The following STXBP5 variants were observed in gnomAD, a reference collection of about 807,000 sequenced individuals.
STXBP5 encodes the protein syntaxin binding protein 5.
Under a neutral mutation model 152.4 loss-of-function variants are expected in STXBP5, and 50 were observed. The observed-to-expected ratio is 0.33, with a 90% CI of 0.26 to 0.42. The LOEUF (loss-of-function observed/expected upper bound fraction) is 0.42, where lower values mean the gene tolerates loss of function less well. Among genes scored for constraint, STXBP5 ranks in the 10% least tolerant of loss-of-function variants. The pLI, the probability that STXBP5 is intolerant of heterozygous loss-of-function variation, is 1.00. For synonymous variants in STXBP5, 492 were observed against 494.7 expected, an observed-to-expected ratio of 0.99 and a Z score of 0.07; for missense variants, 1,167 against 1,388.6, an observed-to-expected ratio of 0.84 and a Z score of 2.54.
At chr6:147,232,601 T>G (rs1272824360) in intron 2 of STXBP5, among the ~76,000 whole-genome samples, 2 of 151,762 alleles carry the variant, frequency 1.3e-5, no homozygotes, top group East Asian at 1.9e-4. Flanking sequence ...TAAGTAACTT[T>G]GAGAAAAAAT....
intron 9 of STXBP5, among the ~76,000 whole-genome samples, chr6:147,295,906 G>A (rs1397388160): frequency 6.6e-6 from 1 of 152,134 alleles, no homozygotes; most frequent in Non-Finnish European, 1.5e-5. Context: ...TCTGCTCAGG[G>A]GACCAGTAGC....
intron 2 of STXBP5, among the ~76,000 whole-genome samples, chr6:147,225,553 C>A (rs184143513): frequency 7.2e-5 from 11 of 152,202 alleles, no homozygotes; most frequent in Admixed American, 7.2e-4. Flanking sequence ...TATAATCTTA[C>A]AAAATATTAA....
chr6:147,382,177 CAG>C (rs556716730), intron 26 of STXBP5, among the ~76,000 whole-genome samples: 22 of 152,024 alleles, frequency 1.4e-4, no homozygotes, highest in Non-Finnish European at 2.9e-4. Flanking sequence ...GGAAAGAAAA[CAG>C]TGAATCGCAA....
chr6:147,260,446 A>G (rs959489251), intron 4 of STXBP5, among the ~76,000 whole-genome samples, 169 bp from the exon 5 acceptor site: 1 of 152,182 alleles, frequency 6.6e-6, no homozygotes, highest in Non-Finnish European at 1.5e-5. Flanking sequence ...TGTTTGATGT[A>G]TAAGCTGAAT....
intron 4 of STXBP5, among the ~76,000 whole-genome samples, chr6:147,246,556 A>G (rs533748283): frequency 6.6e-6 from 1 of 152,300 alleles, no homozygotes; most frequent in African/African-American, 2.4e-5. Flanking sequence ...TAAACACCAG[A>G]AAAGCTGAAT....
intron 4 of STXBP5, among the ~76,000 whole-genome samples, chr6:147,255,761 G>T (rs866984145): frequency 2.0e-5 from 3 of 152,118 alleles, no homozygotes; most frequent in Non-Finnish European, 4.4e-5. Context: ...TGATCCTCCA[G>T]CCTTGGCCTC....
intron 16 of STXBP5, among the ~76,000 whole-genome samples, chr6:147,319,037 T>C (rs1290451376): frequency 6.6e-6 from 1 of 152,190 alleles, no homozygotes; most frequent in East Asian, 1.9e-4. Context: ...TCTGTCAAGA[T>C]GTTCTAGACT....
intron 7 of STXBP5, among the ~76,000 whole-genome samples, chr6:147,267,810 C>T (rs1455505740): frequency 2.0e-5 from 3 of 152,060 alleles, no homozygotes; most frequent in Non-Finnish European, 2.9e-5. Context: ...ACTCATTTAG[C>T]TGGTGGAACC....
At chr6:147,313,771 A>C (rs1782498206) in intron 11 of STXBP5, 113 bp from the exon 12 acceptor site, 3 of 680,134 alleles carry the variant, frequency 4.4e-6, no homozygotes, top group African/African-American at 3.7e-5. Flanking sequence ...CAAAAATTAA[A>C]TCAATTTAAT....
rs574877990 is a variant in STXBP5, at chr6:147,381,967, CACATCCTT to C, written c.3194-808_3194-801del. Among the ~76,000 whole-genome samples, 305 of 152,150 alleles carry C rather than the reference CACATCCTT, an allele frequency of 2.0e-3. 1 individual carries two copies. The highest frequency in any genetic ancestry group is 7.2e-3 in the African/African-American group (299 of 41,524). ...GTATTCATTAGTAGTGGTGGTGATT[CACATCCTT>C]ACGAATAAAGTAAAAATCACCAATG... On this transcript the variant is annotated intron_variant, in intron 26 of 27. Coordinates refer to ENST00000321680, the MANE Select transcript of STXBP5 (RefSeq NM_001127715.4).
intron 2 of STXBP5, among the ~76,000 whole-genome samples, chr6:147,213,432 A>ATGTG (rs774370865): frequency 3.5e-4 from 42 of 121,072 alleles, no homozygotes; most frequent in East Asian, 2.2e-3. Flanking sequence ...ATAATTTTAT[A>ATGTG]TATGTGTGTG....
intron 8 of STXBP5, among the ~76,000 whole-genome samples, chr6:147,288,013 G>A (rs1390126818): frequency 6.6e-6 from 1 of 151,488 alleles, no homozygotes; most frequent in Non-Finnish European, 1.5e-5. Context: ...GAGTGACTGG[G>A]GCCTTCTCCT....
intron 25 of STXBP5, among the ~76,000 whole-genome samples, chr6:147,373,030 C>T (rs1374337654): frequency 1.3e-5 from 2 of 152,078 alleles, no homozygotes; most frequent in African/African-American, 2.4e-5. Flanking sequence ...TCCAAAACTA[C>T]ATATCATCAT....
chr6:147,353,373 G>A lies in STXBP5; in HGVS notation c.2305G>A (p.Asp769Asn). 6.4e-7 allele frequency: 1 copy of A among 1,561,890 alleles called. No individual in the cohort carries two copies. Among genetic ancestry groups the A allele is most frequent in the South Asian group, 1.2e-5 (1 of 81,704 alleles). Residue 769 changes from aspartate (D) to asparagine (N), a missense_variant and splice_region_variant, in exon 22 of 28, where the codon GAT becomes AAT. Transcript: ENST00000321680. ...ACCTACTGACCTAAAGCCTGATTTA[G>A]GTAAGTAAAATAAATATTCAAAATA... is the stretch of plus-strand genomic sequence containing the variant. ...SLPTDLKPDL[D>N]VKDNSFSRSR...
chr6:147,226,879 G>A (rs1316369968), intron 2 of STXBP5, among the ~76,000 whole-genome samples: 1 of 152,122 alleles, frequency 6.6e-6, no homozygotes, highest in African/African-American at 2.4e-5. Flanking sequence ...CTATAGCTTT[G>A]TATCTTTACC....
At chr6:147,293,459 A>T (rs1781376977) in intron 9 of STXBP5, 1 of 152,022 alleles carries the variant, frequency 6.6e-6, no homozygotes, top group South Asian at 2.1e-4. Context: ...TGTGCTACCC[A>T]CTCCAGCTAG....
intron 22 of STXBP5, among the ~76,000 whole-genome samples, chr6:147,353,807 T>G (rs984845550): frequency 1.3e-5 from 2 of 152,300 alleles, no homozygotes; most frequent in African/African-American, 4.8e-5. Flanking sequence ...GCAAGAATCA[T>G]CGTTACTAAC....
chr6:147,250,143 A>G (rs1779011075), intron 4 of STXBP5, among the ~76,000 whole-genome samples: 1 of 152,230 alleles, frequency 6.6e-6, no homozygotes, highest in African/African-American at 2.4e-5. Flanking sequence ...TCAGCTGCAA[A>G]TAAGTGGTAA....
chr6:147,239,534 C>T (rs144241946), intron 4 of STXBP5, among the ~76,000 whole-genome samples: 50 of 152,282 alleles, frequency 3.3e-4, no homozygotes, highest in African/African-American at 1.2e-3. Context: ...TATAGCTCCC[C>T]TGCTTTTTTT....
Sources: gnomAD v4.1 joint callset for allele counts (sites outside exome capture counted in the v4.1 genomes callset) on GRCh38, gnomAD v4.1.1 for gene constraint, MANE v1.5 for transcripts, NCBI Gene and HGNC (gene_info 2026-07-23, HGNC 2026-07-21) for gene names.